MYT1L: variants seen among roughly 807,000 people sequenced by gnomAD.
MYT1L encodes myelin transcription factor 1 like, also known as myelin transcription factor 1-like protein.
In MYT1L, 12 loss-of-function variants were observed where a neutral mutation model predicts 126.7. The ratio of observed to expected loss-of-function variants is 0.09; its 90% CI spans 0.06 to 0.15. The LOEUF (loss-of-function observed/expected upper bound fraction) is 0.15, where lower values mean the gene tolerates loss of function less well. Among genes scored for constraint, MYT1L ranks in the 10% least tolerant of loss-of-function variants. MYT1L has a pLI of 1.00. For missense variants in MYT1L, 979 were observed against 1,585.2 expected, an observed-to-expected ratio of 0.62 and a Z score of 6.49; for synonymous variants, 541 against 604.2, an observed-to-expected ratio of 0.90 and a Z score of 1.53.
chr2:2,209,860 T>C (rs1213661878), intron 2 of MYT1L, among the ~76,000 whole-genome samples: 1 of 152,178 alleles, frequency 6.6e-6, no homozygotes, highest in Non-Finnish European at 1.5e-5. Context: ...TAGTAGTTTT[T>C]TGAGGAATCT....
Position 1,886,556 on chromosome 2 carries a change from G to A in MYT1L, c.2694C>T (p.Thr898=). 6.3e-7 allele frequency: 1 copy of A among 1,578,062 alleles called. No homozygotes were observed. Among genetic ancestry groups the A allele is most frequent in the Non-Finnish European group, 8.6e-7 (1 of 1,162,480 alleles). The stretch of plus-strand genomic sequence containing the variant: ...AATCTTACTTGAGTTCTTGGGAGCT[G>A]GTGGCCAGCATACTTCGAATGCTTT... ...ADKSIRSMLA[T]SSQELKCPTP... is the part of the protein sequence containing the mutation. The change falls in exon 18 of 25, where the codon ACC becomes ACT. Residue 898 remains threonine (T), a synonymous_variant. Transcript: ENST00000647738.
chr2:2,024,989 T>A (rs2065392833), intron 4 of MYT1L, among the ~76,000 whole-genome samples: 2 of 152,264 alleles, frequency 1.3e-5, no homozygotes, highest in Admixed American at 1.3e-4. Flanking sequence ...CTGTACTATC[T>A]CACTGGGCTC....
chr2:1,937,618 C>A (rs1189477259), intron 9 of MYT1L, among the ~76,000 whole-genome samples: 1 of 151,848 alleles, frequency 6.6e-6, no homozygotes, highest in Non-Finnish European at 1.5e-5. Flanking sequence ...ATGTCCACAG[C>A]CATCAGATCG....
chr2:2,040,747 C>T (rs2067437447), intron 4 of MYT1L, among the ~76,000 whole-genome samples: 1 of 151,822 alleles, frequency 6.6e-6, no homozygotes, highest in Non-Finnish European at 1.5e-5. Context: ...GGGGGCTGGT[C>T]ATTTTGGGGG....
In MYT1L at chr2:1,834,809, CCA is replaced by C. The variant is rs2040619332; in HGVS notation, c.3080+4338_3080+4339del. On this transcript the variant is annotated intron_variant, in intron 21 of 24. Coordinates refer to ENST00000647738, the MANE Select transcript of MYT1L (RefSeq NM_001303052.2). The stretch of plus-strand genomic sequence containing the variant: ...CACGGGGATGGATACAGGTACTCCT[CCA>C]CATACCACGGGGATGGATACAGGTA... Among the ~76,000 whole-genome samples, 4 of 152,224 alleles carry C rather than the reference CCA, an allele frequency of 2.6e-5. 1 individual carries two copies. Among genetic ancestry groups the C allele is most frequent in the East Asian group, 1.9e-4 (1 of 5,182 alleles).
In MYT1L at chr2:2,131,749, C is replaced by A. The variant is rs893994544; in HGVS notation, c.-304+41123G>T. 3.3e-5 allele frequency among the ~76,000 whole-genome samples: 5 copies of A among 152,042 alleles called. No homozygotes were observed. The South Asian group carries it at 6.2e-4, about 19-fold the overall frequency. ...AACCGTGAGGTTTTGGTGCTTCTGA[C>A]AGCTCTTCCCAAGTGGGAACTCGGT... On this transcript the variant is annotated intron_variant, in intron 3 of 24. Coordinates refer to ENST00000647738, the MANE Select transcript of MYT1L (RefSeq NM_001303052.2).
chr2:1,814,724 CACTT>C (rs965603261), intron 21 of MYT1L, among the ~76,000 whole-genome samples: 2 of 151,988 alleles, frequency 1.3e-5, no homozygotes, highest in East Asian at 3.9e-4. Context: ...GGGCAGGTCT[CACTT>C]TCTTTTTCCC....
intron 2 of MYT1L, among the ~76,000 whole-genome samples, chr2:2,273,847 C>T (rs1049196340): frequency 3.9e-5 from 6 of 152,024 alleles, no homozygotes; most frequent in South Asian, 2.1e-4. Context: ...TGCTTTTATC[C>T]GCCCACAAAA....
At chr2:1,940,764 A>C (rs1306405549) in intron 9 of MYT1L, among the ~76,000 whole-genome samples, 1 of 152,240 alleles carries the variant, frequency 6.6e-6, no homozygotes, top group Admixed American at 6.5e-5. Context: ...ATTAACTATG[A>C]ATTCTTTCAT....
At chr2:2,024,350 G>A (rs2065319955) in intron 4 of MYT1L, among the ~76,000 whole-genome samples, 1 of 152,044 alleles carries the variant, frequency 6.6e-6, no homozygotes. Context: ...ACCCAAACCC[G>A]CCCAGTGCAG....
chr2:2,074,816 T>C (rs1325274206), intron 3 of MYT1L, among the ~76,000 whole-genome samples: 1 of 152,190 alleles, frequency 6.6e-6, no homozygotes, highest in African/African-American at 2.4e-5. Context: ...TTTGATCTCA[T>C]GCAGGGGTTT....
At chr2:2,230,607 C>A (rs1325742668) in intron 2 of MYT1L, among the ~76,000 whole-genome samples, 1 of 152,170 alleles carries the variant, frequency 6.6e-6, no homozygotes, top group African/African-American at 2.4e-5. Flanking sequence ...CAGTGTCAGC[C>A]CGCTCCCTAC....
intron 1 of MYT1L, chr2:2,325,187 T>C (rs1217226948): frequency 6.6e-6 from 1 of 152,200 alleles, no homozygotes; most frequent in Non-Finnish European, 1.5e-5. Context: ...TACAGTATTT[T>C]AGATGGCATT....
chr2:2,109,234 T>C (rs2079091964), intron 3 of MYT1L, among the ~76,000 whole-genome samples: 1 of 152,202 alleles, frequency 6.6e-6, no homozygotes, highest in African/African-American at 2.4e-5. Flanking sequence ...GCAACAGTCT[T>C]TGGAATGTTT....
chr2:1,988,295 G>A (rs1050788355), intron 5 of MYT1L, among the ~76,000 whole-genome samples: 6 of 152,212 alleles, frequency 3.9e-5, no homozygotes, highest in African/African-American at 4.8e-5. Flanking sequence ...GCGGAGCGCC[G>A]GGCACACAGC....
intron 13 of MYT1L, among the ~76,000 whole-genome samples, chr2:1,905,707 G>T (rs1018800637): frequency 6.6e-6 from 1 of 152,170 alleles, no homozygotes; most frequent in Non-Finnish European, 1.5e-5. Context: ...GTATCAGTAA[G>T]ATCTGCAAAT....
chr2:1,956,843 A>G (rs2058526701), intron 8 of MYT1L, among the ~76,000 whole-genome samples: 1 of 152,120 alleles, frequency 6.6e-6, no homozygotes, highest in Non-Finnish European at 1.5e-5. Context: ...AAAAAAATCC[A>G]TGTGTTTCAG....
intron 3 of MYT1L, among the ~76,000 whole-genome samples, chr2:2,136,578 G>C (rs1426555660): frequency 6.6e-6 from 1 of 152,144 alleles, no homozygotes; most frequent in Non-Finnish European, 1.5e-5. Flanking sequence ...CAATTTCTTT[G>C]ATGGTTTAAA....
At chr2:2,071,892 A>C (rs2074646154) in intron 3 of MYT1L, among the ~76,000 whole-genome samples, 1 of 152,176 alleles carries the variant, frequency 6.6e-6, no homozygotes, top group African/African-American at 2.4e-5. Context: ...CAGAGACCAG[A>C]GGCACTGAAG....
Sources: gnomAD v4.1 joint callset for allele counts (sites outside exome capture counted in the v4.1 genomes callset) on GRCh38, gnomAD v4.1.1 for gene constraint, MANE v1.5 for transcripts, NCBI Gene and HGNC (gene_info 2026-07-23, HGNC 2026-07-21) for gene names.